NELL2: variants seen among roughly 807,000 people sequenced by gnomAD.
NELL2 encodes the protein protein kinase C-binding protein NELL2.
NELL2 carries 41 observed loss-of-function variants against 109.6 expected under a neutral mutation model. That is an observed-to-expected ratio of 0.37 (90% confidence interval 0.29 to 0.49). NELL2 has a LOEUF of 0.49. Among genes scored for constraint, NELL2 ranks in the 20% least tolerant of loss-of-function variants. The probability of loss-of-function intolerance (pLI) is 0.98; values close to 1 mark genes in which losing one functional copy is unlikely to be tolerated. For missense variants in NELL2, 900 were observed against 1,008.3 expected, an observed-to-expected ratio of 0.89 and a Z score of 1.45; for synonymous variants, 355 against 344.7, an observed-to-expected ratio of 1.03 and a Z score of -0.33.
At chr12:44,775,172 G>A (rs1941702758) in intron 8 of NELL2, among the ~76,000 whole-genome samples, 1 of 146,662 alleles carries the variant, frequency 6.8e-6, no homozygotes, top group Admixed American at 6.6e-5. Context: ...AAAAATTTAG[G>A]AACATATCAT....
intron 9 of NELL2, among the ~76,000 whole-genome samples, chr12:44,765,310 C>T (rs1002135855): frequency 1.3e-5 from 2 of 152,042 alleles, no homozygotes; most frequent in Non-Finnish European, 2.9e-5. Flanking sequence ...TTATAATTTG[C>T]AATAATATTG....
intron 19 of NELL2, among the ~76,000 whole-genome samples, chr12:44,519,783 C>A (rs1360873600): frequency 2.6e-5 from 4 of 151,944 alleles, no homozygotes. Context: ...AATAACGGAT[C>A]ATTCTGGTTT....
At chr12:44,577,018 G>C (rs1196034543) in intron 15 of NELL2, among the ~76,000 whole-genome samples, 1 of 137,070 alleles carries the variant, frequency 7.3e-6, no homozygotes, top group Non-Finnish European at 1.5e-5. Flanking sequence ...GTGTGCATGT[G>C]TCTTTATAGC....
At chr12:44,689,550 A>G (rs537564959) in intron 12 of NELL2, among the ~76,000 whole-genome samples, 3 of 152,306 alleles carry the variant, frequency 2.0e-5, no homozygotes, top group East Asian at 1.9e-4. Context: ...GTCCCCATAC[A>G]TACATTTCTC....
chr12:44,810,758 GCT>G (rs148958416), intron 3 of NELL2, among the ~76,000 whole-genome samples: 2,154 of 152,088 alleles, frequency 0.014, 53 homozygotes, highest in African/African-American at 0.049. Flanking sequence ...GATAATAGTG[GCT>G]GCCGTCAGGG....
chr12:44,610,960 C>T lies in NELL2; in HGVS notation c.1455G>A (p.Glu485=), dbSNP rs1425243257. The part of the protein sequence containing the change: ...IDDYSCTEHD[E]CITNQHNCDE... ...CACAGTTGTGCTGATTTGTGATACA[C>T]TCATCATGTTCTGAAATGAGGAATA... Residue 485 remains glutamate, a synonymous_variant, in exon 14 of 20, where the codon GAG becomes GAA. Transcript: ENST00000429094. The T allele has an allele frequency of 5.6e-6, 9 of 1,612,576 alleles. No individual in the cohort carries two copies. Among genetic ancestry groups the T allele is most frequent in the Non-Finnish European group, 5.9e-6 (7 of 1,179,030 alleles).
chr12:44,573,317 G>A (rs753600020), intron 15 of NELL2, among the ~76,000 whole-genome samples: 2 of 152,164 alleles, frequency 1.3e-5, no homozygotes, highest in African/African-American at 4.8e-5. Context: ...CCAAGTGTGA[G>A]TAAAATAGAA....
chr12:44,763,939 T>G lies in NELL2; in HGVS notation c.994+10808A>C, dbSNP rs557105107. On this transcript the variant is annotated intron_variant, in intron 9 of 19. Coordinates refer to ENST00000429094, the MANE Select transcript of NELL2 (RefSeq NM_001145108.2). Reference sequence around the variant, plus strand: ...AACAAGTTGGAAGAGAACAGTTTAATTTTGCATTGAGACAGCACAATCTTT... The same window carrying G: ...AACAAGTTGGAAGAGAACAGTTTAAGTTTGCATTGAGACAGCACAATCTTT... Among the ~76,000 whole-genome samples, 5 of 152,276 alleles carry G rather than the reference T, an allele frequency of 3.3e-5. No homozygotes were observed. The South Asian group carries it at 1.0e-3, about 32-fold the overall frequency.
At chr12:44,790,392 G>A (rs1460372470) in intron 3 of NELL2, among the ~76,000 whole-genome samples, 1 of 152,064 alleles carries the variant, frequency 6.6e-6, no homozygotes, top group Non-Finnish European at 1.5e-5. Context: ...CATACATGAA[G>A]GAAAGATACA....
chr12:44,587,380 G>A (rs918146865), intron 15 of NELL2, among the ~76,000 whole-genome samples: 1 of 145,866 alleles, frequency 6.9e-6, no homozygotes, highest in South Asian at 2.2e-4. Context: ...AATAACTAAC[G>A]TGATTATTAC....
intron 9 of NELL2, among the ~76,000 whole-genome samples, chr12:44,753,233 C>G (rs1940734162): frequency 6.6e-6 from 1 of 152,174 alleles, no homozygotes; most frequent in African/African-American, 2.4e-5. Flanking sequence ...ATGGTACTTT[C>G]AATTTCACAT....
intron 3 of NELL2, among the ~76,000 whole-genome samples, chr12:44,781,388 GCTGTGAGATTATAACAAAAGAT>G (rs1254762370): frequency 6.6e-6 from 1 of 151,894 alleles, no homozygotes; most frequent in African/African-American, 2.4e-5. Flanking sequence ...GTCTTAAAGA[GCTGTGAGATTATAACAAAAGAT>G]CTAACATTTG....
At chr12:44,788,110 T>TA in intron 3 of NELL2, among the ~76,000 whole-genome samples, 1 of 151,796 alleles carries the variant, frequency 6.6e-6, no homozygotes, top group East Asian at 1.9e-4. Flanking sequence ...ACTCAGCAAT[T>TA]AAAAAAAAGA....
chr12:44,826,176 A>G (rs755043694), intron 2 of NELL2, among the ~76,000 whole-genome samples: 2 of 152,250 alleles, frequency 1.3e-5, no homozygotes, highest in African/African-American at 2.4e-5. Context: ...AAGTATCACT[A>G]CAACTGCCAT....
intron 9 of NELL2, among the ~76,000 whole-genome samples, chr12:44,754,329 T>G (rs1425529427): frequency 2.6e-5 from 4 of 152,178 alleles, no homozygotes; most frequent in Non-Finnish European, 1.5e-5. Flanking sequence ...TTTCAAACAT[T>G]TACTCTATGG....
intron 14 of NELL2, among the ~76,000 whole-genome samples, chr12:44,610,583 T>C (rs1324871813): frequency 2.0e-5 from 3 of 151,870 alleles, no homozygotes; most frequent in Non-Finnish European, 4.4e-5. Flanking sequence ...GTGGGTTTGA[T>C]AGAAAGGAAC....
At chr12:44,648,900 T>TTGTGTGTG (rs563769057) in intron 13 of NELL2, among the ~76,000 whole-genome samples, 2,651 of 107,096 alleles carry the variant, frequency 0.025, 106 homozygotes, top group African/African-American at 0.064. Flanking sequence ...CACGCCCAGC[T>TTGTGTGTG]TGTGTGTGTG....
At chr12:44,523,563 C>T in intron 16 of NELL2, 79 bp from the exon 17 acceptor site, 1 of 1,230,890 alleles carries the variant, frequency 8.1e-7, no homozygotes, top group African/African-American at 1.5e-5. Flanking sequence ...CCAGTTGTCT[C>T]CTGACATAAG....
chr12:44,559,861 T>C (rs1197947814), intron 15 of NELL2, among the ~76,000 whole-genome samples: 1 of 152,150 alleles, frequency 6.6e-6, no homozygotes, highest in African/African-American at 2.4e-5. Flanking sequence ...TCCACCCAAA[T>C]CAACAGAATA....
Sources: allele counts gnomAD v4.1 joint callset (sites outside exome capture counted in the v4.1 genomes callset), GRCh38; gene constraint gnomAD v4.1.1; transcripts MANE v1.5; gene names NCBI Gene and HGNC (gene_info 2026-07-23, HGNC 2026-07-21).